The following DOCK2 variants were observed in gnomAD, a reference collection of about 807,000 sequenced individuals.
DOCK2 encodes dedicator of cytokinesis protein 2.
Under a neutral mutation model 248.9 loss-of-function variants are expected in DOCK2, and 87 were observed. The observed-to-expected ratio is 0.35, with a 90% CI of 0.29 to 0.42. DOCK2 has a LOEUF of 0.42. DOCK2 is among the 10% of genes least tolerant of loss of function. DOCK2 has a pLI of 1.00. For synonymous variants in DOCK2, 805 were observed against 821.6 expected, an observed-to-expected ratio of 0.98 and a Z score of 0.35; for missense variants, 1,747 against 2,300.2, an observed-to-expected ratio of 0.76 and a Z score of 4.92.
chr5:169,830,181 A>C (rs1769129399), intron 26 of DOCK2, among the ~76,000 whole-genome samples: 1 of 152,210 alleles, frequency 6.6e-6, no homozygotes, highest in South Asian at 2.1e-4. Flanking sequence ...AGTTGCATAA[A>C]GCTTTAGATT....
chr5:169,780,617 C>A (rs1765661953), intron 25 of DOCK2, among the ~76,000 whole-genome samples: 1 of 152,208 alleles, frequency 6.6e-6, no homozygotes. Flanking sequence ...AGCTTCCTGA[C>A]TTCAGGTAAA....
chr5:170,002,236 GA>G (rs11313241), intron 30 of DOCK2, among the ~76,000 whole-genome samples: 109,799 of 140,958 alleles, frequency 0.78, 42,489 homozygotes, highest in African/African-American at 0.91. Flanking sequence ...TGTTGCTAGC[GA>G]AAAAAAAAAA....
chr5:169,893,476 A>AC (rs1237543701), intron 27 of DOCK2, among the ~76,000 whole-genome samples: 2 of 96,236 alleles, frequency 2.1e-5, no homozygotes, highest in Admixed American at 1.3e-4. Context: ...ACATTTTCTT[A>AC]CCCTTTTTTT....
At chr5:169,884,807 C>T (rs756832988) in intron 27 of DOCK2, 3 of 152,192 alleles carry the variant, frequency 2.0e-5, no homozygotes, top group Admixed American at 6.6e-5. Context: ...TGCAAGCAGG[C>T]GAGGAGCACC....
intron 27 of DOCK2, among the ~76,000 whole-genome samples, chr5:169,906,704 G>T (rs1774300678): frequency 6.6e-6 from 1 of 152,086 alleles, no homozygotes; most frequent in Non-Finnish European, 1.5e-5. Context: ...GGATTGACCA[G>T]TCATCTAAGC....
At chr5:169,643,232 G>A (rs1757248157) in intron 1 of DOCK2, among the ~76,000 whole-genome samples, 1 of 152,150 alleles carries the variant, frequency 6.6e-6, no homozygotes, top group African/African-American at 2.4e-5. Flanking sequence ...ACCCCACCAG[G>A]TCAGCTTCTG....
chr5:169,893,235 A>C (rs1372460365), intron 27 of DOCK2, among the ~76,000 whole-genome samples: 1 of 152,162 alleles, frequency 6.6e-6, no homozygotes, highest in African/African-American at 2.4e-5. Context: ...AGCCAGAGGC[A>C]TTGGCTGCTG....
chr5:169,669,308 A>C lies in DOCK2; in HGVS notation c.148A>C (p.Ile50Leu), dbSNP rs200852440. The change falls in exon 3 of 52, where the codon ATA becomes CTA. Residue 50 changes from isoleucine to leucine, a missense_variant. This residue lies in a region of DOCK2 where 375 missense variants were observed against 510.9 expected (regional missense o/e 0.73). Coordinates refer to ENST00000520908, the MANE Select transcript of DOCK2 (RefSeq NM_004946.3). ...TCGDWYRGYL[I>L]KHKMLQGIFP... ...TGCAGACTGGTATAGGGGATACCTCATAAAGCACAAAATGTTACAGGTAAG... is the reference window on the plus strand; with the variant it reads ...TGCAGACTGGTATAGGGGATACCTCCTAAAGCACAAAATGTTACAGGTAAG... 24 of 1,614,150 alleles carry C rather than the reference A, an allele frequency of 1.5e-5. No individual in the cohort carries two copies. Among genetic ancestry groups the C allele is most frequent in the Middle Eastern group, 1.6e-4 (1 of 6,062 alleles).
At chr5:169,808,522 C>T (rs1767542680) in intron 26 of DOCK2, among the ~76,000 whole-genome samples, 1 of 152,046 alleles carries the variant, frequency 6.6e-6, no homozygotes, top group Admixed American at 6.6e-5. Context: ...GGTCTCTTAG[C>T]ATATGAAAGG....
At chr5:170,005,969 A>G (rs1755020416) in intron 30 of DOCK2, among the ~76,000 whole-genome samples, 1 of 152,200 alleles carries the variant, frequency 6.6e-6, no homozygotes, top group Non-Finnish European at 1.5e-5. Context: ...ATCCCCTAAA[A>G]TCAGAGATTT....
intron 2 of DOCK2, among the ~76,000 whole-genome samples, chr5:169,655,520 CTG>C (rs1758058329): frequency 6.6e-6 from 1 of 152,238 alleles, no homozygotes. Flanking sequence ...AAAATAGACA[CTG>C]TGCTAAGTTC....
intron 1 of DOCK2, among the ~76,000 whole-genome samples, chr5:169,643,965 C>T (rs1014096530): frequency 6.6e-6 from 1 of 152,168 alleles, no homozygotes; most frequent in African/African-American, 2.4e-5. Context: ...GTTTTTGCTG[C>T]TGGCTTCCCT....
intron 29 of DOCK2, among the ~76,000 whole-genome samples, chr5:169,991,636 C>T (rs1778212407): frequency 6.6e-6 from 1 of 152,234 alleles, no homozygotes; most frequent in African/African-American, 2.4e-5. Flanking sequence ...GCTCTGGACC[C>T]AGTCAGCTGT....
chr5:170,042,236 T>C, intron 38 of DOCK2, 104 bp downstream of exon 38: 1 of 1,361,638 alleles, frequency 7.3e-7, no homozygotes, highest in Admixed American at 2.5e-5. Context: ...CAGATATCCC[T>C]GCAAATCCTA....
At chr5:169,678,206 G>T (rs1431527153) in intron 6 of DOCK2, among the ~76,000 whole-genome samples, 1 of 149,214 alleles carries the variant, frequency 6.7e-6, no homozygotes, top group Non-Finnish European at 1.5e-5. Context: ...GTATACTTAA[G>T]ACTAAGGAAA....
rs572018423 is a variant in DOCK2, at chr5:170,050,149, T to C, written c.4072-107T>C. On this transcript the variant is annotated intron_variant, in intron 40 of 51. Transcript: ENST00000520908. ...GGAAACCAAGAGGAGAGTGATGCAC[T>C]GGACATCCCCATGGACCGTGGTCAT... The C allele has an allele frequency of 4.5e-5, 64 of 1,427,598 alleles. No homozygotes were observed. In the African/African-American group the frequency reaches 8.3e-4, roughly 18 times the overall value. 88.4% of individuals were successfully genotyped at this position (1,427,598 alleles called of 1,614,324 possible).
chr5:169,840,958 T>C lies in DOCK2; in HGVS notation c.2799+106T>C. 14 of 1,288,554 alleles carry C rather than the reference T, an allele frequency of 1.1e-5. 1 individual carries two copies. Among genetic ancestry groups the C allele is most frequent in the Non-Finnish European group, 1.4e-5 (13 of 922,670 alleles). 79.8% of individuals were successfully genotyped at this position (1,288,554 alleles called of 1,614,324 possible). ...TTGAACTCCCAGCATTGATCATTGC[T>C]TTGTTTTGGAGTAGGGTGACCAGAT... is the stretch of plus-strand genomic sequence containing the variant. On this transcript the variant is annotated intron_variant, in intron 27 of 51. Coordinates refer to ENST00000520908, the MANE Select transcript of DOCK2 (RefSeq NM_004946.3).
chr5:169,904,641 G>A (rs1474117755), intron 27 of DOCK2, among the ~76,000 whole-genome samples: 1 of 152,196 alleles, frequency 6.6e-6, no homozygotes. Context: ...CCCCTAGTGA[G>A]GGCCCCGCAG....
At chr5:169,729,908 A>G (rs554340421) in intron 22 of DOCK2, among the ~76,000 whole-genome samples, 18 of 152,032 alleles carry the variant, frequency 1.2e-4, no homozygotes, top group Non-Finnish European at 1.8e-4. Context: ...TAAAGTGGGG[A>G]TTACCTCAGA....
Sources: allele counts gnomAD v4.1 joint callset (sites outside exome capture counted in the v4.1 genomes callset), GRCh38; gene constraint gnomAD v4.1.1; regional missense constraint gnomAD v4.1.1; transcripts MANE v1.5; gene names NCBI Gene and HGNC (gene_info 2026-07-23, HGNC 2026-07-21).